Variants in PARD3B observed in about 807,000 individuals in gnomAD.
The protein encoded by PARD3B is par-3 family cell polarity regulator beta.
PARD3B carries 103 observed loss-of-function variants against 130.2 expected under a neutral mutation model. The ratio of observed to expected loss-of-function variants is 0.79; its 90% CI spans 0.67 to 0.93. The LOEUF (loss-of-function observed/expected upper bound fraction) is 0.93, where lower values mean the gene tolerates loss of function less well. Ranked by LOEUF, PARD3B falls within the 40% of genes least tolerant of loss-of-function variation. The pLI is 0.00. For synonymous variants in PARD3B, 583 were observed against 553.2 expected (o/e 1.05, Z -0.76); for missense variants, 1,609 against 1,499.2 (o/e 1.07, Z -1.21).
intron 4 of PARD3B, among the ~76,000 whole-genome samples, chr2:205,097,830 CGTGTGTGTGT>C (rs71939970): frequency 2.1e-4 from 31 of 150,362 alleles, no homozygotes; most frequent in Non-Finnish European, 3.3e-4. Flanking sequence ...AATCTAGTGG[CGTGTGTGTGT>C]GTGTGTGTGT....
chr2:204,682,659 C>G (rs770709452), intron 1 of PARD3B, among the ~76,000 whole-genome samples: 2 of 152,186 alleles, frequency 1.3e-5, no homozygotes, highest in African/African-American at 4.8e-5. Context: ...CAAAAATCGG[C>G]TTTTCCTTTG....
At chr2:205,057,527 ATATACATATATGTATAT>A (rs1404653795) in intron 4 of PARD3B, among the ~76,000 whole-genome samples, 1 of 146,614 alleles carries the variant, frequency 6.8e-6, no homozygotes, top group African/African-American at 2.5e-5. Flanking sequence ...GCATGTGTAT[ATATACATATATGTATAT>A]GTGTATATGT....
At position 205,215,506 on chromosome 2, in the gene PARD3B, C is replaced by T. The variant is rs193001151; in HGVS notation, c.2140+22186C>T. Among the ~76,000 whole-genome samples the T allele has an allele frequency of 2.6e-5, 4 of 151,644 alleles. No individual in the cohort carries two copies. The East Asian group carries it at 7.7e-4, about 29-fold the overall frequency. On this transcript the variant is annotated intron_variant, in intron 15 of 22. Transcript: ENST00000406610. ...TTATGGGAAAACAAATATTTCAATT[C>T]GGAATTGGAAAAGTATATGACAATT... is the stretch of plus-strand genomic sequence containing the variant.
chr2:205,615,864 C>T lies in PARD3B; in HGVS notation c.*51C>T. On this transcript the variant is annotated 3_prime_UTR_variant, in exon 23 of 23. Transcript: ENST00000406610. ...TCCAGAAAGGAAGGTGTCTACTCTA[C>T]CTTTGCCCTTTCTAAACCTGAAGAC... 1.4e-6 allele frequency: 2 copies of T among 1,470,310 alleles called. No homozygotes were observed. Among genetic ancestry groups the T allele is most frequent in the Non-Finnish European group, 1.9e-6 (2 of 1,080,916 alleles). The allele number at this position is 1,470,310 out of a possible 1,614,324, so 91.1% of individuals were successfully genotyped here. A position where few individuals can be genotyped will look rare whatever the true frequency, so the allele number is the denominator to read the frequency against.
At chr2:205,482,133 TAATC>T (rs976438393) in intron 20 of PARD3B, among the ~76,000 whole-genome samples, 3 of 152,176 alleles carry the variant, frequency 2.0e-5, no homozygotes, top group Non-Finnish European at 4.4e-5. Context: ...GGGAATAGGA[TAATC>T]AAAGTGCTGG....
intron 19 of PARD3B, among the ~76,000 whole-genome samples, chr2:205,434,799 A>C (rs1484874219): frequency 6.6e-6 from 1 of 152,124 alleles, no homozygotes; most frequent in Non-Finnish European, 1.5e-5. Context: ...ACAAGAAATA[A>C]AGATGCCTTT....
chr2:205,536,904 T>A (rs2051886055), intron 21 of PARD3B, among the ~76,000 whole-genome samples: 1 of 152,198 alleles, frequency 6.6e-6, no homozygotes, highest in Non-Finnish European at 1.5e-5. Context: ...TGGCATTACA[T>A]CTGTCACAAA....
chr2:205,575,393 C>A lies in PARD3B; in HGVS notation c.3260+21990C>A, dbSNP rs2053720332. On this transcript the variant is annotated intron_variant, in intron 22 of 22. Coordinates refer to ENST00000406610, the MANE Select transcript of PARD3B (RefSeq NM_001302769.2). This position sits in a 1 kb window ranked among gnomAD's most constrained non-coding sequence, Gnocchi z 4.6. ...TTGACACATCATAATCACCCAAAGC[C>A]CATAGTTTACATTAGCGCTCTCTCG... is the stretch of plus-strand genomic sequence containing the variant. 1.3e-5 allele frequency among the ~76,000 whole-genome samples: 2 copies of A among 151,744 alleles called. No individual in the cohort carries two copies. Among genetic ancestry groups the A allele is most frequent in the African/African-American group, 4.8e-5 (2 of 41,300 alleles).
At chr2:205,537,759 G>A (rs2051929933) in intron 21 of PARD3B, among the ~76,000 whole-genome samples, 1 of 152,142 alleles carries the variant, frequency 6.6e-6, no homozygotes, top group Non-Finnish European at 1.5e-5. Flanking sequence ...CATGGTCCTG[G>A]CATTTATATG....
chr2:205,404,038 T>G (rs2046338758), intron 19 of PARD3B, among the ~76,000 whole-genome samples: 1 of 152,160 alleles, frequency 6.6e-6, no homozygotes. Context: ...TAAGAAAATT[T>G]TGGAAACATA....
Position 205,301,402 on chromosome 2 carries a change from T to G in PARD3B, c.2393-62T>G. 6.4e-7 allele frequency: 1 copy of G among 1,551,376 alleles called. No individual in the cohort carries two copies. The highest frequency in any genetic ancestry group is 8.7e-7 in the Non-Finnish European group (1 of 1,155,024). ...CTTTTGCATTTTACATGTTAGCGTTTCTCTGTATACTAACTGAGTGTGCCC... is the reference window on the plus strand; with the variant it reads ...CTTTTGCATTTTACATGTTAGCGTTGCTCTGTATACTAACTGAGTGTGCCC... On this transcript the variant is annotated intron_variant, in intron 17 of 22. Coordinates refer to ENST00000406610, the MANE Select transcript of PARD3B (RefSeq NM_001302769.2). The surrounding 1 kb of genome is among the most constrained non-coding windows in gnomAD (Gnocchi z 5.2).
chr2:204,647,342 T>C (rs2035309020), intron 1 of PARD3B, among the ~76,000 whole-genome samples: 1 of 150,462 alleles, frequency 6.6e-6, no homozygotes, highest in Admixed American at 6.6e-5. Flanking sequence ...TATCTGTCCT[T>C]TGTTGGATAC....
intron 2 of PARD3B, among the ~76,000 whole-genome samples, chr2:204,953,043 T>C (rs1689919637): frequency 6.9e-6 from 1 of 145,220 alleles, no homozygotes; most frequent in African/African-American, 2.5e-5. Flanking sequence ...TATATGTATA[T>C]ATGTATATAT....
chr2:205,267,507 T>C (rs1294852390), intron 16 of PARD3B, among the ~76,000 whole-genome samples: 1 of 150,488 alleles, frequency 6.6e-6, no homozygotes, highest in East Asian at 1.9e-4. Context: ...AGGATTTGGC[T>C]TGAGCTTCAG....
At chr2:204,876,667 A>G (rs780000963) in intron 2 of PARD3B, among the ~76,000 whole-genome samples, 11 of 152,140 alleles carry the variant, frequency 7.2e-5, no homozygotes, top group Non-Finnish European at 1.2e-4. Flanking sequence ...TTTGAGGCCA[A>G]GTAACCCCAG....
chr2:205,164,822 T>TACACAC (rs71032448), intron 11 of PARD3B, among the ~76,000 whole-genome samples: 114 of 147,348 alleles, frequency 7.7e-4, no homozygotes, highest in African/African-American at 1.6e-3. Flanking sequence ...TATATATGTA[T>TACACAC]ACACACACAC....
At chr2:205,267,497 A>G (rs2040554787) in intron 16 of PARD3B, among the ~76,000 whole-genome samples, 1 of 149,114 alleles carries the variant, frequency 6.7e-6, no homozygotes, top group East Asian at 2.0e-4. Flanking sequence ...TCATCAAGGA[A>G]GGATTTGGCT....
At chr2:204,596,915 T>G (rs921211251) in intron 1 of PARD3B, among the ~76,000 whole-genome samples, 2 of 151,096 alleles carry the variant, frequency 1.3e-5, no homozygotes, top group East Asian at 1.9e-4. Context: ...AGAAACTCAC[T>G]CACTCTCTCT....
At chr2:205,161,005 C>T (rs2034474745) in intron 11 of PARD3B, among the ~76,000 whole-genome samples, 1 of 152,138 alleles carries the variant, frequency 6.6e-6, no homozygotes, top group Non-Finnish European at 1.5e-5. Flanking sequence ...GCCAAGCCAT[C>T]TAGGTTTGAG....
Sources: gnomAD v4.1 joint callset for allele counts (sites outside exome capture counted in the v4.1 genomes callset) on GRCh38, gnomAD v4.1.1 for gene constraint, Gnocchi (gnomAD v3.1) non-coding constraint, MANE v1.5 for transcripts, NCBI Gene and HGNC (gene_info 2026-07-23, HGNC 2026-07-21) for gene names.